The following KCNAB2 variants were observed in gnomAD, a reference collection of about 807,000 sequenced individuals.
KCNAB2 encodes the protein potassium voltage-gated channel subfamily A regulatory beta subunit 2, also known as voltage-gated potassium channel subunit beta-2.
In KCNAB2, 29 loss-of-function variants were observed where a neutral mutation model predicts 63.6. That is an observed-to-expected ratio of 0.46 (90% CI 0.34 to 0.62). KCNAB2 has a LOEUF of 0.62. KCNAB2 is among the 20% of genes least tolerant of loss of function. KCNAB2 has a pLI of 0.01. For missense variants in KCNAB2, 359 were observed against 563.9 expected, an observed-to-expected ratio of 0.64 and a Z score of 3.68; for synonymous variants, 222 against 224.2, an observed-to-expected ratio of 0.99 and a Z score of 0.09.
rs1160448367 is a variant in KCNAB2, at chr1:6,098,792, G to A, written c.*218G>A. 1 of 552,416 alleles carries A rather than the reference G, an allele frequency of 1.8e-6. No individual in the cohort carries two copies. Among genetic ancestry groups the A allele is most frequent in the African/African-American group, 1.9e-5 (1 of 52,204 alleles). The allele number at this position is 552,416 out of a possible 1,614,324, so 34.2% of individuals were successfully genotyped here. A position where few individuals can be genotyped will look rare whatever the true frequency, so the allele number is the denominator to read the frequency against. On this transcript the variant is annotated 3_prime_UTR_variant, in exon 16 of 16. Coordinates refer to ENST00000378083, the MANE Select transcript of KCNAB2 (RefSeq NM_001199862.2). ...TCCAGTCTGTGCCGGGGAAGGCACT[G>A]GTTAGGAAGGATGTTCAAACGGTCC...
chr1:6,031,662 G>A (rs944412930), upstream of KCNAB2, among the ~76,000 whole-genome samples: 3 of 151,962 alleles, frequency 2.0e-5, no homozygotes, highest in Non-Finnish European at 4.4e-5. This position sits in a 1 kb window ranked among gnomAD's most constrained non-coding sequence, Gnocchi z 4.1. Flanking sequence ...TGAGGCAGGA[G>A]GATGGCTTGA....
At chr1:6,084,971 C>T (rs1016401681) in intron 5 of KCNAB2, among the ~76,000 whole-genome samples, 1 of 152,204 alleles carries the variant, frequency 6.6e-6, no homozygotes, top group South Asian at 2.1e-4. Context: ...CACGTGTCTG[C>T]AGGGGAACAT....
At chr1:6,088,937 A>C in intron 7 of KCNAB2, 71 bp from the exon 8 acceptor site, 4 of 1,403,560 alleles carry the variant, frequency 2.8e-6, no homozygotes, top group Non-Finnish European at 3.9e-6. Context: ...ATTGCATCGT[A>C]AACGTTTTTT....
chr1:6,011,165 A>G (rs1658122275), intron 1 of KCNAB2, among the ~76,000 whole-genome samples: 1 of 152,194 alleles, frequency 6.6e-6, no homozygotes, highest in Admixed American at 6.5e-5. Context: ...GCTCTGAGGG[A>G]GCAGCAGGAG....
upstream of KCNAB2, among the ~76,000 whole-genome samples, chr1:6,043,249 TC>T (rs969331273): frequency 1.9e-4 from 29 of 151,722 alleles, no homozygotes; most frequent in African/African-American, 6.8e-4. Flanking sequence ...GGCAGGAAAA[TC>T]CCAGGTGCAG....
intron 11 of KCNAB2, among the ~76,000 whole-genome samples, chr1:6,095,109 G>A (rs568785438): frequency 7.9e-5 from 12 of 152,322 alleles, no homozygotes; most frequent in East Asian, 1.9e-4. Flanking sequence ...TGGACCCTCC[G>A]GCCTGGGGGT....
chr1:6,028,213 T>G lies in KCNAB2; in HGVS notation c.-52-12304T>G, dbSNP rs1295104. ...GGAAGGAATGGGCTCCTGTGTGGGCTCCTGGCTTCTGGGTGAGAGGGGAAG... is the reference window on the plus strand; with the variant it reads ...GGAAGGAATGGGCTCCTGTGTGGGCGCCTGGCTTCTGGGTGAGAGGGGAAG... On this transcript the variant is annotated intron_variant, in intron 1 of 16. Coordinates refer to the KCNAB2 transcript ENST00000341524. This position sits in a 1 kb window ranked among gnomAD's most constrained non-coding sequence, Gnocchi z 4.0. 0.96 allele frequency among the ~76,000 whole-genome samples: 146,145 copies of G among 152,288 alleles called. 70,152 individuals carry two copies. The highest frequency in any genetic ancestry group is 1 in the East Asian group (5,161 of 5,166).
chr1:6,094,171 G>A (rs1002578329), intron 10 of KCNAB2, among the ~76,000 whole-genome samples: 2 of 152,134 alleles, frequency 1.3e-5, no homozygotes, highest in African/African-American at 4.8e-5. Context: ...TAACCAGTCG[G>A]GGAAATTGTT....
intron 1 of KCNAB2, among the ~76,000 whole-genome samples, chr1:6,007,204 G>A (rs1212314360): frequency 1.3e-5 from 2 of 152,054 alleles, no homozygotes; most frequent in African/African-American, 4.8e-5. Context: ...CACTGCATGG[G>A]GGGGGCTCAG....
rs1260712722 is a variant in KCNAB2 at position 6,091,300 on chromosome 1, C to T, written c.639C>T (p.Ile213=). The change falls in exon 10 of 16, where the codon ATC becomes ATT. Residue 213 remains isoleucine, a synonymous_variant. Transcript: ENST00000378083. ...PFSSSKSRTF[I]IEETVRAMTH... ...GTTCCTCCAAGTCAAGGACATTCAT[C>T]ATAGAAGGTACACAGTGCCCCCAGC... 6.5e-7 allele frequency: 1 copy of T among 1,532,296 alleles called. No individual in the cohort carries two copies. The highest frequency in any genetic ancestry group is 8.7e-7 in the Non-Finnish European group (1 of 1,143,468). 94.9% of individuals were successfully genotyped at this position (1,532,296 alleles called of 1,614,324 possible).
Position 6,096,786 on chromosome 1 carries a change from C to A in KCNAB2, c.1069+30C>A. The stretch of plus-strand genomic sequence containing the variant: ...CGGTGGGGTCGCCATGGGGCCAGTG[C>A]CCCTGGGGAGAACCTGCCCCAGCTG... On this transcript the variant is annotated intron_variant, in intron 14 of 15. Transcript: ENST00000378083. The surrounding 1 kb of genome is among the most constrained non-coding windows in gnomAD (Gnocchi z 5.9). 1 of 1,533,644 alleles carries A rather than the reference C, an allele frequency of 6.5e-7. No homozygotes were observed. Among genetic ancestry groups the A allele is most frequent in the Admixed American group, 2.0e-5 (1 of 49,636 alleles).
intron 1 of KCNAB2, among the ~76,000 whole-genome samples, chr1:6,049,006 C>T (rs1345153500): frequency 2.0e-5 from 3 of 152,354 alleles, no homozygotes; most frequent in Non-Finnish European, 4.4e-5. Flanking sequence ...CCAGGGTACC[C>T]GCCTGCTTTA....
Position 6,012,142 on chromosome 1 carries a change from A to AGGTGG in KCNAB2, c.-53+19354_-53+19355insGGTGG, listed in dbSNP as rs1463903355. On this transcript the variant is annotated intron_variant, in intron 1 of 16. Coordinates refer to the KCNAB2 transcript ENST00000341524. ...TGATGAAGGTGGAGGTGACGGGTGG[A>AGGTGG]AGTGGAGGTGATGAAGGTGGAGGTG... 3.6e-3 allele frequency among the ~76,000 whole-genome samples: 482 copies of AGGTGG among 133,888 alleles called. 67 individuals are homozygous for AGGTGG. The highest frequency in any genetic ancestry group is 5.4e-3 in the Non-Finnish European group (335 of 61,666). 87.8% of individuals were successfully genotyped at this position (133,888 alleles called of 152,430 possible).
At chr1:6,085,307 G>A in intron 6 of KCNAB2, 59 bp downstream of exon 6, 2 of 1,484,764 alleles carry the variant, frequency 1.3e-6, no homozygotes, top group South Asian at 1.1e-5. Flanking sequence ...ACTATCCCAG[G>A]GTCAGCCTCG....
chr1:6,035,508 G>A lies in KCNAB2; in HGVS notation c.-53+714G>A, dbSNP rs1015033681. Among the ~76,000 whole-genome samples the A allele has an allele frequency of 2.0e-5, 3 of 152,074 alleles. No individual in the cohort carries two copies. The highest frequency in any genetic ancestry group is 2.9e-5 in the Non-Finnish European group (2 of 68,004). On this transcript the variant is annotated intron_variant, in intron 1 of 15. Coordinates refer to the KCNAB2 transcript ENST00000164247. This position sits in a 1 kb window ranked among gnomAD's most constrained non-coding sequence, Gnocchi z 5.0. ...GAGAGGCACGGGGCCCCTGGCCCAG[G>A]GATGGATTGGATGTGGGAGGCGGGA...
At chr1:6,065,081 C>A (rs774099810) in intron 2 of KCNAB2, among the ~76,000 whole-genome samples, 4 of 152,246 alleles carry the variant, frequency 2.6e-5, no homozygotes, top group Non-Finnish European at 4.4e-5. Context: ...GTTGCTTCTC[C>A]ATGTGCCAAT....
chr1:6,018,029 G>C (rs1258152441), intron 1 of KCNAB2, among the ~76,000 whole-genome samples: 1 of 152,132 alleles, frequency 6.6e-6, no homozygotes, highest in African/African-American at 2.4e-5. Context: ...CTTCCCACCT[G>C]AGCCTTGCAA....
intron 1 of KCNAB2, among the ~76,000 whole-genome samples, chr1:6,046,677 G>T (rs551491698): frequency 6.6e-6 from 1 of 152,222 alleles, no homozygotes; most frequent in African/African-American, 2.4e-5. Flanking sequence ...AAATCATTCT[G>T]TGTTTGCACT....
intron 1 of KCNAB2, among the ~76,000 whole-genome samples, chr1:5,999,151 G>A (rs78832492): frequency 0.037 from 5,603 of 152,342 alleles, 170 homozygotes; most frequent in Non-Finnish European, 0.055. Context: ...CTGCGGGCTG[G>A]GGCTTAGCCT....
Sources: allele counts gnomAD v4.1 joint callset (sites outside exome capture counted in the v4.1 genomes callset), GRCh38; gene constraint gnomAD v4.1.1; non-coding constraint Gnocchi (gnomAD v3.1); transcripts MANE v1.5; gene names NCBI Gene and HGNC (gene_info 2026-07-23, HGNC 2026-07-21).